Variants in P2RY8 observed in about 807,000 individuals in gnomAD.
The protein encoded by P2RY8 is P2Y receptor family member 8.
P2RY8 carries 6 observed loss-of-function variants against 10.0 expected under a neutral mutation model. The ratio of observed to expected loss-of-function variants is 0.60; its 90% CI spans 0.33 to 1.19. The LOEUF is 1.19. Among genes scored for constraint, P2RY8 ranks in the 50% most tolerant of loss-of-function variants. The pLI is 0.04. For synonymous variants in P2RY8, 276 were observed against 252.5 expected (o/e 1.09, Z -0.88); for missense variants, 456 against 542.0 (o/e 0.84, Z 1.58).
At chrX:1,525,283 T>G (rs145463253) in intron 1 of P2RY8, among the ~76,000 whole-genome samples, 1 of 152,326 alleles carries the variant, frequency 6.6e-6, no homozygotes, top group South Asian at 2.1e-4. Flanking sequence ...TATTTGGAAA[T>G]AGGATCTTTG....
chrX:1,463,654 CT>C lies in P2RY8; in HGVS notation c.*1824del, dbSNP rs1221303017. On this transcript the variant is annotated 3_prime_UTR_variant, in exon 2 of 2. Coordinates refer to ENST00000381297, the MANE Select transcript of P2RY8 (RefSeq NM_178129.5). ...TTCTGGGCTTTAAAACAAGACATGT[CT>C]TTCTGGGGCAACTGTTTAGTGCACT... 1 of 232,432 alleles carries C rather than the reference CT, an allele frequency of 4.3e-6. No individual in the cohort carries two copies. Among genetic ancestry groups the C allele is most frequent in the East Asian group, 6.0e-5 (1 of 16,532 alleles). The allele number at this position is 232,432 out of a possible 1,614,324, so 14.4% of individuals were successfully genotyped here.
At chrX:1,468,138 A>C (rs1237913569) in intron 1 of P2RY8, among the ~76,000 whole-genome samples, 1 of 151,690 alleles carries the variant, frequency 6.6e-6, no homozygotes, top group African/African-American at 2.4e-5. Context: ...GGGTTTGGCT[A>C]TGTTGCCCAG....
At chrX:1,522,749 C>A (rs1320889927) in intron 1 of P2RY8, among the ~76,000 whole-genome samples, 1 of 151,808 alleles carries the variant, frequency 6.6e-6, no homozygotes, top group African/African-American at 2.4e-5. Flanking sequence ...CCAGCCTGGG[C>A]AACAGAGCAA....
rs1429957918 is a variant in P2RY8, at chrX:1,463,360, CT to C, written c.*2118del. 1 of 232,698 alleles carries C rather than the reference CT, an allele frequency of 4.3e-6. No individual in the cohort carries two copies. Among genetic ancestry groups the C allele is most frequent in the Non-Finnish European group, 8.5e-6 (1 of 117,760 alleles). 14.4% of individuals were successfully genotyped at this position (232,698 alleles called of 1,614,324 possible). On this transcript the variant is annotated 3_prime_UTR_variant, in exon 2 of 2. Transcript: ENST00000381297. ...TCTCTTACGCATCCTCCAGTTCCCC[CT>C]GGAGGCTCTAGGGGAGGATCCTTCC...
intron 1 of P2RY8, among the ~76,000 whole-genome samples, chrX:1,528,574 T>A (rs191174300): frequency 2.3e-3 from 345 of 151,956 alleles, no homozygotes; most frequent in African/African-American, 7.8e-3. Context: ...GGTCTTTGGA[T>A]TGAGTGTGGA....
intron 1 of P2RY8, among the ~76,000 whole-genome samples, chrX:1,526,743 A>G (rs2092442891): frequency 6.6e-6 from 1 of 151,990 alleles, no homozygotes; most frequent in Admixed American, 6.6e-5. Flanking sequence ...CTACTCATTC[A>G]TTCATCCATT....
chrX:1,509,083 CTATCTATG>C lies in P2RY8; in HGVS notation c.-25+27830_-25+27837del, dbSNP rs749285629. On this transcript the variant is annotated intron_variant, in intron 1 of 1. Coordinates refer to ENST00000381297, the MANE Select transcript of P2RY8 (RefSeq NM_178129.5). Reference sequence around the variant, plus strand: ...TCTATCTATGTATCTATCTATGTATCTATCTATGTATCTATGTATCTATCTATCTATCT... The same window carrying C: ...TCTATCTATGTATCTATCTATGTATCTATCTATGTATCTATCTATCTATCT... 8.7e-3 allele frequency among the ~76,000 whole-genome samples: 1,158 copies of C among 132,650 alleles called. 10 individuals are homozygous for C. The highest frequency in any genetic ancestry group is 0.037 in the Middle Eastern group (9 of 240). 87.0% of individuals were successfully genotyped at this position (132,650 alleles called of 152,430 possible).
intron 1 of P2RY8, among the ~76,000 whole-genome samples, chrX:1,499,212 G>C (rs1198916872): frequency 4.8e-5 from 7 of 146,250 alleles, no homozygotes; most frequent in African/African-American, 1.8e-4. Flanking sequence ...CCCCAGGCTG[G>C]AGTGCAATGG....
At chrX:1,511,795 G>A (rs762067492) in intron 1 of P2RY8, among the ~76,000 whole-genome samples, 6 of 152,274 alleles carry the variant, frequency 3.9e-5, no homozygotes, top group African/African-American at 9.6e-5. Context: ...CTCCAGACAC[G>A]ATTCTCTTAG....
At chrX:1,491,475 G>A (rs1259492011) in intron 1 of P2RY8, among the ~76,000 whole-genome samples, 3 of 152,346 alleles carry the variant, frequency 2.0e-5, no homozygotes, top group African/African-American at 2.4e-5. Flanking sequence ...AATCAATGAC[G>A]TGTAGGGTTT....
intron 1 of P2RY8, among the ~76,000 whole-genome samples, chrX:1,490,828 G>A (rs1224339714): frequency 1.0e-4 from 14 of 140,052 alleles, no homozygotes; most frequent in Middle Eastern, 4.6e-3. Context: ...GCAAATGTGG[G>A]GGGAATGAAT....
At chrX:1,473,003 T>A (rs2091813770) in intron 1 of P2RY8, among the ~76,000 whole-genome samples, 1 of 97,964 alleles carries the variant, frequency 1.0e-5, no homozygotes, top group Non-Finnish European at 2.1e-5. Flanking sequence ...GGAGGGTGGA[T>A]GGGTGGATGA....
intron 1 of P2RY8, among the ~76,000 whole-genome samples, chrX:1,492,606 C>T (rs1178157724): frequency 1.3e-5 from 2 of 152,112 alleles, no homozygotes; most frequent in African/African-American, 4.8e-5. Context: ...ATGCCTGAAG[C>T]CCCCATAGAA....
chrX:1,469,606 T>C (rs1432114509), intron 1 of P2RY8, among the ~76,000 whole-genome samples: 1 of 152,050 alleles, frequency 6.6e-6, no homozygotes, highest in African/African-American at 2.4e-5. Context: ...AAAACAGCTT[T>C]GCCAGCCGGG....
At chrX:1,524,534 C>T (rs2092419046) in intron 1 of P2RY8, among the ~76,000 whole-genome samples, 1 of 125,390 alleles carries the variant, frequency 8.0e-6, no homozygotes, top group Admixed American at 8.2e-5. Context: ...TCCATTCATC[C>T]ATCCATCCAT....
intron 1 of P2RY8, among the ~76,000 whole-genome samples, chrX:1,520,637 C>G (rs140021063): frequency 2.0e-5 from 3 of 151,810 alleles, no homozygotes; most frequent in African/African-American, 7.3e-5. Context: ...CCCCAATAAT[C>G]TCTCTGATCC....
chrX:1,475,760 TA>T (rs1285842693), intron 1 of P2RY8, among the ~76,000 whole-genome samples: 1 of 152,216 alleles, frequency 6.6e-6, no homozygotes, highest in Non-Finnish European at 1.5e-5. Context: ...GACTTGAAGA[TA>T]TAAAGACGGC....
chrX:1,497,514 C>G (rs181861514), intron 1 of P2RY8, among the ~76,000 whole-genome samples: 6 of 149,550 alleles, frequency 4.0e-5, no homozygotes, highest in Non-Finnish European at 1.5e-5. Context: ...ACAAATTAGC[C>G]GGGCATGGTG....
intron 1 of P2RY8, among the ~76,000 whole-genome samples, chrX:1,530,875 TCTC>T (rs1348118622): frequency 6.6e-6 from 1 of 151,330 alleles, no homozygotes; most frequent in South Asian, 2.1e-4. Context: ...CTATTCTATC[TCTC>T]ATCTATCTAT....
Sources: gnomAD v4.1 joint callset for allele counts (sites outside exome capture counted in the v4.1 genomes callset) on GRCh38, gnomAD v4.1.1 for gene constraint, MANE v1.5 for transcripts, NCBI Gene and HGNC (gene_info 2026-07-23, HGNC 2026-07-21) for gene names.